The following SHTN1 variants were observed in gnomAD, a reference collection of about 807,000 sequenced individuals.
The protein encoded by SHTN1 is shootin-1.
In SHTN1, 42 loss-of-function variants were observed where a neutral mutation model predicts 83.1. The ratio of observed to expected loss-of-function variants is 0.51; its 90% CI spans 0.39 to 0.65. The LOEUF is 0.65. SHTN1 is among the 30% of genes least tolerant of loss of function. The pLI is 0.00. For synonymous variants in SHTN1, 224 were observed against 247.7 expected, an observed-to-expected ratio of 0.90 and a Z score of 0.90; for missense variants, 622 against 737.8, an observed-to-expected ratio of 0.84 and a Z score of 1.82.
chr10:116,950,246 C>T (rs1719170357), intron 6 of SHTN1, among the ~76,000 whole-genome samples: 1 of 152,210 alleles, frequency 6.6e-6, no homozygotes, highest in South Asian at 2.1e-4. Flanking sequence ...CTCATTGCAG[C>T]CTGGAACTCC....
chr10:116,928,669 G>C (rs1387932220), intron 10 of SHTN1, among the ~76,000 whole-genome samples: 1 of 152,226 alleles, frequency 6.6e-6, no homozygotes, highest in African/African-American at 2.4e-5. Flanking sequence ...CCCCGACTGA[G>C]TGTACCCTCA....
chr10:116,929,835 C>T lies in SHTN1; in HGVS notation c.1012+14G>A. On this transcript the variant is annotated intron_variant, in intron 10 of 16. Coordinates refer to ENST00000355371, the MANE Select transcript of SHTN1 (RefSeq NM_001127211.3). ...ATTAATAGTAAGACATAGTAGCCTA[C>T]TCAATGCTTTTACCAGAGTGCTTTA... is the stretch of plus-strand genomic sequence containing the variant. The T allele has an allele frequency of 6.3e-7, 1 of 1,583,438 alleles. No individual in the cohort carries two copies. The highest frequency in any genetic ancestry group is 8.6e-7 in the Non-Finnish European group (1 of 1,164,354).
At chr10:116,987,712 C>T (rs908289808) in intron 1 of SHTN1, among the ~76,000 whole-genome samples, 1 of 151,906 alleles carries the variant, frequency 6.6e-6, no homozygotes, top group African/African-American at 2.4e-5. Flanking sequence ...GTCAGGAGAT[C>T]GAGACCATCA....
intron 8 of SHTN1, among the ~76,000 whole-genome samples, chr10:116,942,846 G>C (rs1385671106): frequency 6.6e-6 from 1 of 152,106 alleles, no homozygotes; most frequent in Non-Finnish European, 1.5e-5. Flanking sequence ...ACAGTGTCTG[G>C]CACAGTAAGA....
intron 1 of SHTN1, among the ~76,000 whole-genome samples, chr10:117,084,644 C>G (rs573052176): frequency 2.6e-5 from 4 of 151,908 alleles, no homozygotes; most frequent in Non-Finnish European, 5.9e-5. Context: ...GCCTCGCTGC[C>G]GCCTTGCAGT....
intron 1 of SHTN1, among the ~76,000 whole-genome samples, chr10:117,125,848 C>G (rs1214795424): frequency 6.6e-6 from 1 of 152,202 alleles, no homozygotes; most frequent in Non-Finnish European, 1.5e-5. Flanking sequence ...GCCTTTAGCT[C>G]TTCCCGGGAA....
In SHTN1 at chr10:116,952,004, G is replaced by C; in HGVS notation, c.439C>G (p.Leu147Val). The change falls in exon 6 of 17, where the codon CTT becomes GTT. Residue 147 changes from leucine (L) to valine (V), a missense_variant and splice_region_variant. Around this residue, in one of 3 missense-constraint regions of SHTN1, gnomAD observed 383 missense variants for 455.8 expected, o/e 0.84. Transcript: ENST00000355371. ...SVQCQKQIKE[L>V]RDQIVSVQEE... ...TGAACAGATACAATTTGATCTCGAA[G>C]TTCTGCATTTTTAAAGAAAAAAAAT... is the stretch of plus-strand genomic sequence containing the variant. The C allele has an allele frequency of 6.8e-7, 1 of 1,477,882 alleles. No homozygotes were observed. The highest frequency in any genetic ancestry group is 9.0e-7 in the Non-Finnish European group (1 of 1,105,930). 91.5% of individuals were successfully genotyped at this position (1,477,882 alleles called of 1,614,324 possible).
chr10:116,997,957 T>C (rs2133530730), intron 1 of SHTN1, among the ~76,000 whole-genome samples: 1 of 152,270 alleles, frequency 6.6e-6, no homozygotes, highest in South Asian at 2.1e-4. Flanking sequence ...TCAGGCATGG[T>C]GGCGGGCGCC....
intron 1 of SHTN1, among the ~76,000 whole-genome samples, chr10:117,074,745 G>C (rs1465956843): frequency 6.6e-6 from 1 of 152,142 alleles, no homozygotes; most frequent in Non-Finnish European, 1.5e-5. Flanking sequence ...CAGTAGGCAG[G>C]GCAGGAGTAG....
At chr10:116,918,012 A>G (rs1848436014) in intron 12 of SHTN1, among the ~76,000 whole-genome samples, 1 of 152,238 alleles carries the variant, frequency 6.6e-6, no homozygotes, top group African/African-American at 2.4e-5. Context: ...ACTATTAAGC[A>G]GTTCTAATAA....
At chr10:116,990,016 T>A (rs1301139099) in intron 1 of SHTN1, among the ~76,000 whole-genome samples, 1 of 152,162 alleles carries the variant, frequency 6.6e-6, no homozygotes, top group Non-Finnish European at 1.5e-5. Context: ...AGGCAGAAGC[T>A]GGTAGGAAAA....
At chr10:116,981,063 A>T (rs1312091066) in intron 1 of SHTN1, among the ~76,000 whole-genome samples, 1 of 152,218 alleles carries the variant, frequency 6.6e-6, no homozygotes, top group African/African-American at 2.4e-5. Context: ...TCACGCCTGT[A>T]ATCTCAACAC....
chr10:117,118,343 C>T (rs1853877981), intron 1 of SHTN1, among the ~76,000 whole-genome samples: 1 of 120,260 alleles, frequency 8.3e-6, no homozygotes, highest in South Asian at 2.8e-4. Context: ...AAATCCACCA[C>T]AATGAAATAT....
chr10:116,992,002 C>G (rs1307590617), intron 1 of SHTN1, among the ~76,000 whole-genome samples: 2 of 151,884 alleles, frequency 1.3e-5, no homozygotes, highest in East Asian at 1.9e-4. Flanking sequence ...ACTAGCCAGG[C>G]GTAGTGGCAC....
intron 1 of SHTN1, among the ~76,000 whole-genome samples, chr10:117,123,112 C>T (rs1278321650): frequency 6.6e-6 from 1 of 152,152 alleles, no homozygotes; most frequent in Non-Finnish European, 1.5e-5. Context: ...AAGCAATTAT[C>T]CTGCCTCAGC....
intron 2 of SHTN1, among the ~76,000 whole-genome samples, chr10:117,033,775 TC>T (rs1852455933): frequency 6.6e-6 from 1 of 152,120 alleles, no homozygotes; most frequent in African/African-American, 2.4e-5. Context: ...TAAAAAATCC[TC>T]AACAAAATAC....
chr10:116,911,948 G>A, intron 13 of SHTN1, 105 bp from the exon 14 acceptor site: 3 of 799,560 alleles, frequency 3.8e-6, no homozygotes, highest in Non-Finnish European at 6.4e-6. Context: ...TTGGTAATAT[G>A]TATGACTATA....
chr10:116,945,908 T>C (rs1272031840), intron 7 of SHTN1, among the ~76,000 whole-genome samples: 1 of 152,100 alleles, frequency 6.6e-6, no homozygotes, highest in African/African-American at 2.4e-5. Context: ...AAAACAAACA[T>C]ACCACAGCTA....
upstream of SHTN1, among the ~76,000 whole-genome samples, chr10:117,010,232 A>G (rs1277671779): frequency 2.0e-5 from 3 of 152,068 alleles, no homozygotes; most frequent in Non-Finnish European, 4.4e-5. Flanking sequence ...AAATGGGGAC[A>G]GTAATACCAA....
Sources: gnomAD v4.1 joint callset for allele counts (sites outside exome capture counted in the v4.1 genomes callset) on GRCh38, gnomAD v4.1.1 for gene constraint, gnomAD v4.1.1 regional missense constraint, MANE v1.5 for transcripts, NCBI Gene and HGNC (gene_info 2026-07-23, HGNC 2026-07-21) for gene names.